DOCK4: variants seen among roughly 807,000 people sequenced by gnomAD.
DOCK4 encodes dedicator of cytokinesis 4, also known as dedicator of cytokinesis protein 4.
A neutral mutation model predicts 268.1 loss-of-function variants in DOCK4; 97 were observed. The observed-to-expected ratio is 0.36, with a 90% CI of 0.31 to 0.43. The LOEUF (loss-of-function observed/expected upper bound fraction) is 0.43, where lower values mean the gene tolerates loss of function less well. Among genes scored for constraint, DOCK4 ranks in the 20% least tolerant of loss-of-function variants. DOCK4 has a pLI of 1.00. For synonymous variants in DOCK4, 954 were observed against 887.2 expected, an observed-to-expected ratio of 1.08 and a Z score of -1.34; for missense variants, 2,145 against 2,455.7, an observed-to-expected ratio of 0.87 and a Z score of 2.67.
chr7:111,791,603 C>T (rs953997902), intron 30 of DOCK4, among the ~76,000 whole-genome samples: 10 of 151,950 alleles, frequency 6.6e-5, no homozygotes, highest in African/African-American at 2.4e-4. Context: ...CACATGACAC[C>T]ATGGCCAGCT....
chr7:111,770,246 A>C (rs1798044676), intron 36 of DOCK4, among the ~76,000 whole-genome samples: 1 of 136,684 alleles, frequency 7.3e-6, no homozygotes, highest in African/African-American at 3.6e-5. Flanking sequence ...AAAAAGAAAA[A>C]GAAAAAATCT....
intron 8 of DOCK4, among the ~76,000 whole-genome samples, chr7:111,962,273 G>A (rs1796962656): frequency 6.6e-6 from 1 of 152,068 alleles, no homozygotes; most frequent in African/African-American, 2.4e-5. Context: ...TATTATTTCT[G>A]GTTAGGTTAG....
rs4351360 is a variant in DOCK4 at position 112,113,860 on chromosome 7, C to T, written c.37+92242G>A. ...CCTCCTGCCTTGTCCTCCCAAAGTA[C>T]TGGGAATACAGGCATGAGCCACCAT... On this transcript the variant is annotated intron_variant, in intron 1 of 52. Coordinates refer to ENST00000428084, the MANE Select transcript of DOCK4 (RefSeq NM_001363540.2). Among the ~76,000 whole-genome samples, 6 of 142,240 alleles carry T rather than the reference C, an allele frequency of 4.2e-5. No individual in the cohort carries two copies. The East Asian group carries it at 1.3e-3, about 31-fold the overall frequency. 93.3% of individuals were successfully genotyped at this position (142,240 alleles called of 152,430 possible).
intron 17 of DOCK4, among the ~76,000 whole-genome samples, chr7:111,876,243 T>C (rs190649273): frequency 1.5e-3 from 221 of 152,310 alleles, no homozygotes; most frequent in Non-Finnish European, 2.5e-3. Context: ...AGAGGTGTTT[T>C]AAAAGTGGTC....
chr7:112,095,031 T>C (rs1381539818), intron 1 of DOCK4, among the ~76,000 whole-genome samples: 1 of 152,210 alleles, frequency 6.6e-6, no homozygotes, highest in East Asian at 1.9e-4. Context: ...CAGGTATTTC[T>C]TTATAGCAAT....
chr7:112,183,294 C>G (rs1819215588), intron 1 of DOCK4, among the ~76,000 whole-genome samples: 1 of 152,152 alleles, frequency 6.6e-6, no homozygotes, highest in Admixed American at 6.5e-5. Flanking sequence ...GAACTGTGAG[C>G]TCTTAACAAA....
At chr7:112,091,610 C>T (rs144367350) in intron 1 of DOCK4, among the ~76,000 whole-genome samples, 58 of 152,210 alleles carry the variant, frequency 3.8e-4, no homozygotes, top group Non-Finnish European at 7.4e-4. Flanking sequence ...CAGCACTATA[C>T]CTGGATGCAG....
chr7:111,858,808 CCCTT>C (rs1435095440), intron 23 of DOCK4, among the ~76,000 whole-genome samples: 1 of 149,524 alleles, frequency 6.7e-6, no homozygotes, highest in African/African-American at 2.6e-5. Context: ...TTCCTTCCCT[CCCTT>C]CCTTCCTTCC....
intron 1 of DOCK4, among the ~76,000 whole-genome samples, chr7:112,164,102 G>C (rs1817377351): frequency 6.6e-6 from 1 of 151,998 alleles, no homozygotes; most frequent in Non-Finnish European, 1.5e-5. Flanking sequence ...GGACAACATA[G>C]AGAAACACCA....
rs1413071630 is a variant in DOCK4 at position 111,893,313 on chromosome 7, C to T, written c.1587+2299G>A. ...CAACTGAGAATCTTGGTATGGTTCA[C>T]GCTCACGAAGAGAAGTCAACCAGGA... On this transcript the variant is annotated intron_variant, in intron 16 of 52. Coordinates refer to ENST00000428084, the MANE Select transcript of DOCK4 (RefSeq NM_001363540.2). Among the ~76,000 whole-genome samples the T allele has an allele frequency of 2.0e-5, 3 of 152,156 alleles. No individual in the cohort carries two copies. In the East Asian group the frequency reaches 5.8e-4, roughly 29 times the overall value.
intron 13 of DOCK4, among the ~76,000 whole-genome samples, chr7:111,909,467 A>T (rs1174987929): frequency 6.6e-6 from 1 of 152,280 alleles, no homozygotes; most frequent in Non-Finnish European, 1.5e-5. Flanking sequence ...ATAAAGACAC[A>T]TGCACACATT....
chr7:111,816,701 T>C (rs1801582962), intron 27 of DOCK4, among the ~76,000 whole-genome samples: 1 of 152,368 alleles, frequency 6.6e-6, no homozygotes, highest in African/African-American at 2.4e-5. Context: ...GACTAGTAAG[T>C]GTATGTTAAA....
Position 111,731,435 on chromosome 7 carries a change from G to C in DOCK4, c.5481+791C>G, listed in dbSNP as rs75298239. 1.4e-3 allele frequency among the ~76,000 whole-genome samples: 218 copies of C among 152,246 alleles called. 1 individual carries two copies. Among genetic ancestry groups the C allele is most frequent in the African/African-American group, 4.9e-3 (203 of 41,542 alleles). On this transcript the variant is annotated intron_variant, in intron 52 of 52. Coordinates refer to ENST00000428084, the MANE Select transcript of DOCK4 (RefSeq NM_001363540.2). The stretch of plus-strand genomic sequence containing the variant: ...AGCGTGTAAATCCTAAGTCACTCAG[G>C]TACAAAATCATTCTTTCGACACACT...
chr7:111,791,948 C>T (rs1207237001), intron 30 of DOCK4, among the ~76,000 whole-genome samples: 2 of 152,140 alleles, frequency 1.3e-5, no homozygotes, highest in East Asian at 3.8e-4. Flanking sequence ...AGAATATAAA[C>T]ATTTTCTGAA....
In DOCK4 at chr7:111,998,519, T is replaced by C. The variant is rs1441904058; in HGVS notation, c.163-16A>G. ...GAAATATACCCTGGAAAAGAAAACA[T>C]GAAGGTTACGATGCCGGCTGTTAAG... On this transcript the variant is annotated splice_polypyrimidine_tract_variant and intron_variant, in intron 3 of 52. Transcript: ENST00000428084. 2.5e-6 allele frequency: 4 copies of C among 1,574,698 alleles called. No homozygotes were observed. The highest frequency in any genetic ancestry group is 1.3e-5 in the African/African-American group (1 of 74,186).
chr7:111,771,302 C>T (rs1436634499), intron 36 of DOCK4, among the ~76,000 whole-genome samples: 1 of 152,220 alleles, frequency 6.6e-6, no homozygotes, highest in Non-Finnish European at 1.5e-5. Context: ...CTCCAGTCCT[C>T]ATAGTTGGAG....
At chr7:111,912,926 A>C (rs1003598013) in intron 13 of DOCK4, among the ~76,000 whole-genome samples, 5 of 151,998 alleles carry the variant, frequency 3.3e-5, no homozygotes, top group Non-Finnish European at 7.4e-5. Context: ...TGACTTTCAC[A>C]GAATTTTAGA....
At chr7:111,819,656 A>G (rs1801828918) in intron 27 of DOCK4, 1 of 152,234 alleles carries the variant, frequency 6.6e-6, no homozygotes, top group African/African-American at 2.4e-5. Flanking sequence ...AGTTAAAGGC[A>G]TTTAATTTAC....
chr7:111,729,134 C>T lies in DOCK4; in HGVS notation c.5482-414G>A, dbSNP rs146700644. Among the ~76,000 whole-genome samples the T allele has an allele frequency of 4.2e-4, 64 of 152,286 alleles. No individual in the cohort carries two copies. The East Asian group carries it at 0.012, about 29-fold the overall frequency. On this transcript the variant is annotated intron_variant, in intron 52 of 52. Transcript: ENST00000428084. ...ATTTTGTGAGGGAAGCCCGAGCAGA[C>T]GAATACACTCACACTCAAATTTGAG...
Sources: allele counts gnomAD v4.1 joint callset (sites outside exome capture counted in the v4.1 genomes callset), GRCh38; gene constraint gnomAD v4.1.1; transcripts MANE v1.5; gene names NCBI Gene and HGNC (gene_info 2026-07-23, HGNC 2026-07-21).